ACYP2: variants seen among roughly 807,000 people sequenced by gnomAD.
The protein encoded by ACYP2 is acylphosphatase-2.
A neutral mutation model predicts 11.2 loss-of-function variants in ACYP2; 12 were observed. That is an observed-to-expected ratio of 1.08 (90% confidence interval 0.69 to 1.74). The LOEUF is 1.74. ACYP2 is among the 40% of genes most tolerant of loss of function. The pLI is 0.00. For missense variants in ACYP2, 134 were observed against 101.9 expected (o/e 1.31, Z -1.35); for synonymous variants, 43 against 32.2 (o/e 1.33, Z -1.13).
intron 2 of ACYP2, among the ~76,000 whole-genome samples, chr2:54,002,674 G>A (rs568492058): frequency 8.6e-5 from 12 of 138,830 alleles, no homozygotes; most frequent in Admixed American, 8.1e-4. Flanking sequence ...TTTTTGAGAC[G>A]GAGTTTCGCT....
chr2:54,127,798 G>A (rs1208445378), intron 4 of ACYP2, among the ~76,000 whole-genome samples: 1 of 148,638 alleles, frequency 6.7e-6, no homozygotes, highest in Non-Finnish European at 1.5e-5. Flanking sequence ...CACCTGGAAG[G>A]AAAGCCAATG....
intron 6 of ACYP2, among the ~76,000 whole-genome samples, chr2:54,187,619 C>T (rs1013926069): frequency 6.6e-6 from 1 of 152,178 alleles, no homozygotes; most frequent in Admixed American, 6.6e-5. Context: ...GAAGTCTTGG[C>T]AGAATCAGCC....
chr2:54,161,778 T>C (rs1466547376), intron 6 of ACYP2, among the ~76,000 whole-genome samples: 2 of 152,212 alleles, frequency 1.3e-5, no homozygotes, highest in East Asian at 3.8e-4. Context: ...AATACGTATT[T>C]TTAACAATAA....
At chr2:53,997,960 T>G (rs762738777) in intron 2 of ACYP2, among the ~76,000 whole-genome samples, 1 of 152,156 alleles carries the variant, frequency 6.6e-6, no homozygotes, top group Non-Finnish European at 1.5e-5. Flanking sequence ...TTGAGGCTAT[T>G]TATGAATAGA....
chr2:54,276,660 C>CACAA (rs1688602156), intron 6 of ACYP2, among the ~76,000 whole-genome samples: 1 of 139,686 alleles, frequency 7.2e-6, no homozygotes, highest in Admixed American at 7.2e-5. Context: ...CACACACACA[C>CACAA]ACCACACACA....
At chr2:54,211,804 T>A (rs888241023) in intron 6 of ACYP2, among the ~76,000 whole-genome samples, 2 of 152,228 alleles carry the variant, frequency 1.3e-5, no homozygotes, top group African/African-American at 4.8e-5. Flanking sequence ...GCTCATTATT[T>A]CATCTTTAAT....
At chr2:54,200,437 C>T (rs1050550311) in intron 6 of ACYP2, among the ~76,000 whole-genome samples, 1 of 152,142 alleles carries the variant, frequency 6.6e-6, no homozygotes, top group East Asian at 1.9e-4. Context: ...TACCCTCAAA[C>T]CCTGGCAACC....
intron 6 of ACYP2, among the ~76,000 whole-genome samples, chr2:54,150,590 T>A (rs1682110621): frequency 6.6e-6 from 1 of 151,516 alleles, no homozygotes; most frequent in African/African-American, 2.4e-5. Context: ...CGCAGCTAAT[T>A]TTTGTATTTT....
At chr2:54,180,908 C>T (rs1054423304) in intron 6 of ACYP2, among the ~76,000 whole-genome samples, 1 of 152,138 alleles carries the variant, frequency 6.6e-6, no homozygotes, top group African/African-American at 2.4e-5. Context: ...GAAGGCTCAG[C>T]CCTCACAACC....
At chr2:53,997,084 T>C (rs572496278) in intron 2 of ACYP2, among the ~76,000 whole-genome samples, 55 of 152,306 alleles carry the variant, frequency 3.6e-4, no homozygotes, top group African/African-American at 1.1e-3. Context: ...TATTCGTTTG[T>C]ATTTACAGAT....
intron 4 of ACYP2, among the ~76,000 whole-genome samples, chr2:54,067,948 A>G (rs1676827061): frequency 6.6e-6 from 1 of 152,214 alleles, no homozygotes; most frequent in Non-Finnish European, 1.5e-5. Context: ...TGCTTGCATA[A>G]CCCATAAGAT....
At chr2:54,256,319 G>C in intron 6 of ACYP2, 3 of 682,018 alleles carry the variant, frequency 4.4e-6, no homozygotes, top group Non-Finnish European at 7.5e-6. Context: ...TCAGTCTCGC[G>C]AGTCTGTGGT....
intron 2 of ACYP2, among the ~76,000 whole-genome samples, chr2:54,038,385 A>G (rs1285385019): frequency 1.3e-5 from 2 of 151,896 alleles, no homozygotes; most frequent in Non-Finnish European, 2.9e-5. Flanking sequence ...ACTTTCCACT[A>G]TATGTGAGCT....
chr2:54,218,006 T>C (rs1685627209), intron 6 of ACYP2, among the ~76,000 whole-genome samples: 1 of 152,212 alleles, frequency 6.6e-6, no homozygotes, highest in African/African-American at 2.4e-5. Context: ...GTTACCACTT[T>C]TTGAGTTCTC....
intron 4 of ACYP2, among the ~76,000 whole-genome samples, chr2:54,091,346 A>T (rs1572728393): frequency 6.6e-6 from 1 of 152,180 alleles, no homozygotes; most frequent in African/African-American, 2.4e-5. Context: ...TGGAAAAAAG[A>T]TGAGAAAAAA....
intron 2 of ACYP2, among the ~76,000 whole-genome samples, chr2:54,004,040 A>G (rs1672932695): frequency 6.6e-6 from 1 of 151,964 alleles, no homozygotes; most frequent in African/African-American, 2.4e-5. Context: ...CTGGAATGCA[A>G]TGGCGCGATC....
At chr2:54,096,406 A>T (rs1470940704) in intron 4 of ACYP2, among the ~76,000 whole-genome samples, 1 of 151,310 alleles carries the variant, frequency 6.6e-6, no homozygotes, top group Non-Finnish European at 1.5e-5. Flanking sequence ...CCAGGCAGAG[A>T]TGCTCCTCAC....
chr2:54,242,028 T>A (rs1281675943), intron 6 of ACYP2, among the ~76,000 whole-genome samples: 2 of 151,950 alleles, frequency 1.3e-5, no homozygotes, highest in Non-Finnish European at 2.9e-5. Flanking sequence ...AAGAAAAAAA[T>A]TCAGCTGAAA....
At chr2:54,083,014 T>C (rs1407032445) in intron 4 of ACYP2, among the ~76,000 whole-genome samples, 1 of 151,204 alleles carries the variant, frequency 6.6e-6, no homozygotes, top group Non-Finnish European at 1.5e-5. Context: ...GCAGTGATTG[T>C]AGTGAGCCAA....
Sources: gnomAD v4.1 joint callset for allele counts (sites outside exome capture counted in the v4.1 genomes callset) on GRCh38, gnomAD v4.1.1 for gene constraint, MANE v1.5 for transcripts, NCBI Gene and HGNC (gene_info 2026-07-23, HGNC 2026-07-21) for gene names.